The following TMEM181 variants were observed in gnomAD, a reference collection of about 807,000 sequenced individuals.
TMEM181 encodes transmembrane protein 181.
Under a neutral mutation model 71.9 loss-of-function variants are expected in TMEM181, and 39 were observed. The observed-to-expected ratio is 0.54, with a 90% confidence interval of 0.42 to 0.71. The LOEUF (loss-of-function observed/expected upper bound fraction) is 0.71. Ranked by LOEUF, TMEM181 falls within the 30% of genes least tolerant of loss-of-function variation. The pLI, the probability that TMEM181 is intolerant of heterozygous loss-of-function variation, is 0.00. For missense variants in TMEM181, 595 were observed against 583.0 expected (o/e 1.02, Z -0.21); for synonymous variants, 245 against 228.8 (o/e 1.07, Z -0.64).
At chr6:158,624,930 C>A (rs1222760976) in intron 11 of TMEM181, among the ~76,000 whole-genome samples, 174 bp from the exon 12 acceptor site, 1 of 152,222 alleles carries the variant, frequency 6.6e-6, no homozygotes, top group African/African-American at 2.4e-5. Context: ...CCTGTGCTCG[C>A]AGCGGGACTG....
chr6:158,560,127 G>T lies in TMEM181; in HGVS notation c.-98G>T, dbSNP rs922497750. The T allele has an allele frequency of 3.0e-5, 30 of 984,810 alleles. 1 individual carries two copies. In the Admixed American group the frequency reaches 1.3e-3, roughly 42 times the overall value. 61.0% of individuals were successfully genotyped at this position (984,810 alleles called of 1,614,324 possible). A position where few individuals can be genotyped will look rare whatever the true frequency, so the allele number is the denominator to read the frequency against. On this transcript the variant is annotated 5_prime_UTR_variant, in exon 1 of 17. Transcript: ENST00000684151. ...GGCCGGCCGCTGCTCAGCCGCTGTC[G>T]CTCCGGCTCCGGCTGCGGCTGCCGC... is the stretch of plus-strand genomic sequence containing the variant.
In TMEM181 at chr6:158,631,400, G is replaced by A; in HGVS notation, c.1349+11G>A. ...TGATGTGATTTATGGGTAAGTCCCT[G>A]TCCGTTAGAAGGCCGGCACACCTTG... On this transcript the variant is annotated intron_variant, in intron 16 of 16. Transcript: ENST00000684151. 6.2e-7 allele frequency: 1 copy of A among 1,614,150 alleles called. No individual in the cohort carries two copies. Among genetic ancestry groups the A allele is most frequent in the South Asian group, 1.1e-5 (1 of 91,088 alleles).
intron 2 of TMEM181, among the ~76,000 whole-genome samples, chr6:158,579,702 A>G (rs1380440489): frequency 2.6e-5 from 4 of 151,208 alleles, no homozygotes; most frequent in East Asian, 1.9e-4. Context: ...CTGGGCAACA[A>G]GAGTGAAACG....
chr6:158,629,232 T>C (rs189823651), intron 14 of TMEM181, among the ~76,000 whole-genome samples: 192 of 152,334 alleles, frequency 1.3e-3, no homozygotes, highest in Middle Eastern at 6.8e-3. Context: ...TGAATTAATA[T>C]ACGATTTTTT....
intron 3 of TMEM181, 55 bp from the exon 4 acceptor site, chr6:158,583,899 A>C: frequency 7.4e-7 from 1 of 1,343,818 alleles, no homozygotes; most frequent in Non-Finnish European, 1.0e-6. Context: ...ACGATGAGGT[A>C]TTTGGTAGAC....
chr6:158,573,457 C>T lies in TMEM181; in HGVS notation c.46C>T (p.His16Tyr), dbSNP rs1782989778. 4 of 1,602,614 alleles carry T rather than the reference C, an allele frequency of 2.5e-6. No individual in the cohort carries two copies. The highest frequency in any genetic ancestry group is 3.4e-6 in the Non-Finnish European group (4 of 1,174,832). Residue 16 changes from histidine (H) to tyrosine (Y), a missense_variant, in exon 2 of 17, where the codon CAC becomes TAC. By Grantham distance (83) the His-to-Tyr change is moderately conservative. Transcript: ENST00000684151. ...GCGGCTCTACACGCTCTCCAAGCGCCACTTTGTCCTCGTGTTTGTCGTCTT... is the reference window on the plus strand; with the variant it reads ...GCGGCTCTACACGCTCTCCAAGCGCTACTTTGTCCTCGTGTTTGTCGTCTT... ...PMRLYTLSKR[H>Y]FVLVFVVFFI...
intron 8 of TMEM181, 115 bp downstream of exon 8, chr6:158,607,458 G>T: frequency 2.3e-6 from 2 of 888,048 alleles, no homozygotes; most frequent in South Asian, 1.5e-5. Context: ...CAGGAGGACT[G>T]CTTGAAGCCA....
At chr6:158,615,834 C>A (rs1301274246) in intron 10 of TMEM181, among the ~76,000 whole-genome samples, 3 of 152,118 alleles carry the variant, frequency 2.0e-5, no homozygotes, top group Admixed American at 6.5e-5. Flanking sequence ...GTTCTGTTCC[C>A]TTGTTCTACA....
At chr6:158,609,889 C>T (rs1785192098) in intron 10 of TMEM181, 1 of 235,874 alleles carries the variant, frequency 4.2e-6, no homozygotes, top group Admixed American at 4.1e-5. Context: ...TGATGATTCT[C>T]TCCAGTGGGA....
At chr6:158,562,442 GTT>G (rs1331938407) in intron 1 of TMEM181, among the ~76,000 whole-genome samples, 1 of 136,360 alleles carries the variant, frequency 7.3e-6, no homozygotes, top group African/African-American at 3.1e-5. Flanking sequence ...AAATAAGGCT[GTT>G]TTTGTGTGTG....
In TMEM181 at chr6:158,585,422, A is replaced by G. The variant is rs1322618534; in HGVS notation, c.378A>G (p.Ala126=). The G allele has an allele frequency of 1.0e-5, 16 of 1,599,236 alleles. No homozygotes were observed. The East Asian group carries it at 2.7e-4, about 27-fold the overall frequency. ...ACCGGACAAGGACCCTCACATGTGCAGGGGTGAGTGTGTGGGGTGAGCCCC... is the reference window on the plus strand; with the variant it reads ...ACCGGACAAGGACCCTCACATGTGCGGGGGTGAGTGTGTGGGGTGAGCCCC... The part of the protein sequence containing the change: ...VHNRTRTLTC[A]GKCAEIIVAH... The change falls in exon 5 of 17, where the codon GCA becomes GCG. Residue 126 remains alanine (A), a synonymous_variant. Transcript: ENST00000684151.
At chr6:158,579,591 C>T (rs1783357740) in intron 2 of TMEM181, among the ~76,000 whole-genome samples, 1 of 149,810 alleles carries the variant, frequency 6.7e-6, no homozygotes, top group Non-Finnish European at 1.5e-5. Context: ...TGGTGGTAAG[C>T]ACCTGTAATC....
rs1176731013 is a variant in TMEM181, at chr6:158,625,203, G to T, written c.1054G>T (p.Val352Leu). The T allele has an allele frequency of 4.3e-6, 7 of 1,613,956 alleles. No individual in the cohort carries two copies. Among genetic ancestry groups the T allele is most frequent in the Non-Finnish European group, 5.9e-6 (7 of 1,179,810 alleles). The change falls in exon 12 of 17, where the codon GTG (valine) becomes TTG (leucine). Residue 352 changes from valine to leucine, a missense_variant. Coordinates refer to ENST00000684151, the MANE Select transcript of TMEM181 (RefSeq NM_001376852.1). ...ACSELRHMPYVDLRLKFLTAL... is the reference protein window; with the variant it reads ...ACSELRHMPYLDLRLKFLTAL... Reference sequence around the variant, plus strand: ...TTCCGAGCTACGTCACATGCCTTATGTGGGTAAGTGCTCCTTTCAGAATCG... The same window carrying T: ...TTCCGAGCTACGTCACATGCCTTATTTGGGTAAGTGCTCCTTTCAGAATCG...
At chr6:158,571,672 G>A (rs1027786849) in intron 1 of TMEM181, among the ~76,000 whole-genome samples, 4 of 152,236 alleles carry the variant, frequency 2.6e-5, no homozygotes, top group Non-Finnish European at 4.4e-5. Flanking sequence ...GGTTAACTGC[G>A]GAAGGTCAGA....
chr6:158,600,040 A>G (rs78080920), intron 6 of TMEM181, among the ~76,000 whole-genome samples: 3,594 of 152,332 alleles, frequency 0.024, 128 homozygotes, highest in African/African-American at 0.082. Flanking sequence ...CCTGCAGGCC[A>G]CATAGCAGGT....
At chr6:158,628,246 G>T in intron 13 of TMEM181, 162 bp from the exon 14 acceptor site, 1 of 723,632 alleles carries the variant, frequency 1.4e-6, no homozygotes, top group East Asian at 2.7e-5. Context: ...GTGTGTGCAT[G>T]TGTGCATCTG....
chr6:158,565,193 T>G (rs1382670875), intron 1 of TMEM181, among the ~76,000 whole-genome samples: 1 of 152,244 alleles, frequency 6.6e-6, no homozygotes, highest in Admixed American at 6.5e-5. Flanking sequence ...TGTATCTGTT[T>G]TGTGGTTCTG....
At chr6:158,553,976 A>G (rs1006680099) in intron 1 of TMEM181, among the ~76,000 whole-genome samples, 3 of 151,810 alleles carry the variant, frequency 2.0e-5, no homozygotes, top group Non-Finnish European at 4.4e-5. Flanking sequence ...GCACCATCTC[A>G]GCTCGCCAGA....
At position 158,634,410 on chromosome 6, in the gene TMEM181, G is replaced by A. The variant is rs1276270816; in HGVS notation, c.*2522G>A. The A allele has an allele frequency of 1.3e-5, 2 of 152,328 alleles. No individual in the cohort carries two copies. The highest frequency in any genetic ancestry group is 2.4e-5 in the African/African-American group (1 of 41,586). The allele number at this position is 152,328 out of a possible 1,614,324, so 9.4% of individuals were successfully genotyped here. A position where few individuals can be genotyped will look rare whatever the true frequency, so the allele number is the denominator to read the frequency against. On this transcript the variant is annotated 3_prime_UTR_variant, in exon 17 of 17. Transcript: ENST00000684151. ...TAAATTATTTACTGAGGGTAGTTAT[G>A]TTAAAGTTTTGCGAACTTAAAGGGC...
Sources: gnomAD v4.1 joint callset for allele counts (sites outside exome capture counted in the v4.1 genomes callset) on GRCh38, gnomAD v4.1.1 for gene constraint, MANE v1.5 for transcripts, NCBI Gene and HGNC (gene_info 2026-07-23, HGNC 2026-07-21) for gene names.